ATR: variants seen among roughly 807,000 people sequenced by gnomAD.
ATR encodes serine/threonine-protein kinase ATR.
ATR carries 142 observed loss-of-function variants against 305.3 expected under a neutral mutation model. That is an observed-to-expected ratio of 0.47 (90% confidence interval 0.41 to 0.53). The LOEUF is 0.53. Ranked by LOEUF, ATR falls within the 20% of genes least tolerant of loss-of-function variation. The pLI is 0.00. For synonymous variants in ATR, 1,050 were observed against 1,068.1 expected, an observed-to-expected ratio of 0.98 and a Z score of 0.33; for missense variants, 2,135 against 3,133.1, an observed-to-expected ratio of 0.68 and a Z score of 7.60.
At chr3:142,489,057 C>CAT (rs2031124856) in intron 35 of ATR, among the ~76,000 whole-genome samples, 1 of 152,036 alleles carries the variant, frequency 6.6e-6, no homozygotes, top group African/African-American at 2.4e-5. Context: ...TTAGGCTGGG[C>CAT]ATACATGGTG....
At chr3:142,478,713 G>A (rs2030147278) in intron 36 of ATR, among the ~76,000 whole-genome samples, 2 of 152,138 alleles carry the variant, frequency 1.3e-5, no homozygotes, top group Non-Finnish European at 2.9e-5. Context: ...CATTATTATT[G>A]TGTGCGAGTC....
rs2031649356 is a variant in ATR, at chr3:142,496,412, T to C, written c.5847A>G (p.Glu1949=). 6.2e-7 allele frequency: 1 copy of C among 1,604,188 alleles called. No individual in the cohort carries two copies. Among genetic ancestry groups the C allele is most frequent in the African/African-American group, 1.4e-5 (1 of 73,388 alleles). The change falls in exon 34 of 47, where the codon GAA becomes GAG. Residue 1949 remains glutamate (E), a synonymous_variant. Coordinates refer to ENST00000350721, the MANE Select transcript of ATR (RefSeq NM_001184.4). The part of the protein sequence containing the change: ...TAYNALLNAG[E]SRLAELYVER... ...CCACGTACAGTTCAGCGAGTCGTGA[T>C]TCCCCTGCATTAAGGAGAGCATTGT...
At chr3:142,556,362 A>T (rs780306811) in intron 9 of ATR, 21 bp downstream of exon 9, 1 of 1,599,398 alleles carries the variant, frequency 6.3e-7, no homozygotes, top group Non-Finnish European at 8.6e-7. Flanking sequence ...GATATATTCA[A>T]ATTAAAATCT....
intron 35 of ATR, among the ~76,000 whole-genome samples, chr3:142,486,802 A>G (rs1419381336): frequency 2.0e-5 from 3 of 151,792 alleles, no homozygotes; most frequent in Non-Finnish European, 4.4e-5. Flanking sequence ...CTTTTATATA[A>G]ATAGAATCAT....
rs1043355995 is a variant in ATR, at chr3:142,542,712, T to TA, written c.3402dup (p.Asn1135Ter). On this transcript the variant is annotated frameshift_variant, in exon 17 of 47. Coordinates refer to ENST00000350721, the MANE Select transcript of ATR (RefSeq NM_001184.4). LOFTEE classifies it high-confidence loss of function. ...ACACTAGAGCTCAGTAACTGCATGT[T>TA]AAAAAAAGCCAAAATGCCCAACAAT... The TA allele has an allele frequency of 1.9e-6, 3 of 1,613,250 alleles. No homozygotes were observed. The highest frequency in any genetic ancestry group is 1.3e-5 in the African/African-American group (1 of 74,856).
At chr3:142,528,872 TA>T (rs2033513533) in intron 21 of ATR, among the ~76,000 whole-genome samples, 1 of 70,820 alleles carries the variant, frequency 1.4e-5, no homozygotes, top group African/African-American at 9.1e-5. Context: ...TATATATATA[TA>T]TATATATTTT....
At chr3:142,502,522 A>G (rs1443585619) in intron 30 of ATR, among the ~76,000 whole-genome samples, 1 of 152,194 alleles carries the variant, frequency 6.6e-6, no homozygotes, top group Admixed American at 6.5e-5. Flanking sequence ...TACTATGCTC[A>G]CTACCTGGGT....
intron 27 of ATR, among the ~76,000 whole-genome samples, chr3:142,509,008 G>T (rs1489007568): frequency 6.6e-6 from 1 of 151,104 alleles, no homozygotes; most frequent in African/African-American, 2.4e-5. Context: ...TTTTTCAAGA[G>T]TGTACAAAAA....
At chr3:142,496,599 C>T (rs1459686877) in intron 33 of ATR, 79 bp from the exon 34 acceptor site, 3 of 1,485,650 alleles carry the variant, frequency 2.0e-6, no homozygotes, top group Non-Finnish European at 2.8e-6. Context: ...CAATTTAAAT[C>T]TAGGTCATAA....
At chr3:142,506,505 T>C (rs2032244331) in intron 28 of ATR, among the ~76,000 whole-genome samples, 1 of 151,866 alleles carries the variant, frequency 6.6e-6, no homozygotes, top group African/African-American at 2.4e-5. Context: ...CCAGGCAACA[T>C]GGAAAACCCC....
At chr3:142,474,511 CTTAAT>C (rs961170123) in intron 36 of ATR, among the ~76,000 whole-genome samples, 1 of 152,074 alleles carries the variant, frequency 6.6e-6, no homozygotes, top group Non-Finnish European at 1.5e-5. Context: ...AGATTGTCTT[CTTAAT>C]TTATCTGCAA....
At position 142,561,347 on chromosome 3, in the gene ATR, A is replaced by G. The variant is rs755124543; in HGVS notation, c.1245T>C (p.Thr415=). The G allele has an allele frequency of 1.2e-6, 2 of 1,614,030 alleles. No homozygotes were observed. Among genetic ancestry groups the G allele is most frequent in the Non-Finnish European group, 1.7e-6 (2 of 1,179,976 alleles). The change falls in exon 5 of 47, where the codon ACT becomes ACC. Residue 415 remains threonine (T), a synonymous_variant. Transcript: ENST00000350721. ...TATTACTGCTGAGGTTTTCCTGTTGAGTTTGGCATTGAATCTCCTCAATGA... is the reference window on the plus strand; with the variant it reads ...TATTACTGCTGAGGTTTTCCTGTTGGGTTTGGCATTGAATCTCCTCAATGA... ...MEIIEEIQCQ[T]QQENLSSNSD... is the part of the protein sequence containing the mutation.
intron 17 of ATR, among the ~76,000 whole-genome samples, chr3:142,541,655 T>C (rs2034056119): frequency 6.6e-6 from 1 of 152,214 alleles, no homozygotes; most frequent in Non-Finnish European, 1.5e-5. Flanking sequence ...CAAAACATTT[T>C]AGTTATTTAT....
chr3:142,498,658 G>A lies in ATR; in HGVS notation c.5497C>T (p.Pro1833Ser), dbSNP rs2108341009. 1 of 1,614,012 alleles carries A rather than the reference G, an allele frequency of 6.2e-7. No homozygotes were observed. The highest frequency in any genetic ancestry group is 1.1e-5 in the South Asian group (1 of 91,064). The change falls in exon 32 of 47, where the codon CCT becomes TCT. Residue 1833 changes from proline to serine, a missense_variant. Pro to Ser is a moderately conservative substitution (Grantham distance 74). Around this residue, in one of 9 missense-constraint regions of ATR, gnomAD observed 117 missense variants for 198.3 expected, o/e 0.59. Transcript: ENST00000350721. ...CTTTCAAAGCTTGCAGCTGAAAGAG[G>A]TACAATTTGTTCTGCTCTCACTAGT... ...LKLVRAEQIVPLSAASFERGS... is the reference protein window; with the variant it reads ...LKLVRAEQIVSLSAASFERGS...
intron 46 of ATR, chr3:142,450,161 C>G (rs2070757628): frequency 4.9e-6 from 2 of 408,264 alleles, no homozygotes; most frequent in South Asian, 2.3e-5. Context: ...GAGACTGTTG[C>G]TGTGCCATCT....
chr3:142,479,741 G>A (rs1394463995), intron 36 of ATR, among the ~76,000 whole-genome samples: 1 of 152,000 alleles, frequency 6.6e-6, no homozygotes, highest in African/African-American at 2.4e-5. Context: ...ACATAGATTT[G>A]GTCTTTTCAC....
chr3:142,485,007 T>C, intron 36 of ATR, 133 bp downstream of exon 36: 1 of 1,329,434 alleles, frequency 7.5e-7, no homozygotes, highest in Non-Finnish European at 1.0e-6. Context: ...ATTTACATCT[T>C]ATCTAAGGTG....
At chr3:142,566,455 CA>C (rs1039255639) in intron 2 of ATR, among the ~76,000 whole-genome samples, 194 bp from the exon 3 acceptor site, 6 of 151,548 alleles carry the variant, frequency 4.0e-5, no homozygotes, top group Admixed American at 2.0e-4. Context: ...CCCGTCTCTA[CA>C]AAAAAAATTT....
chr3:142,472,889 C>T (rs1215894855), intron 36 of ATR, among the ~76,000 whole-genome samples: 1 of 152,168 alleles, frequency 6.6e-6, no homozygotes, highest in African/African-American at 2.4e-5. Context: ...ATCCATCTGC[C>T]TGAGCCTCTC....
Sources: allele counts gnomAD v4.1 joint callset (sites outside exome capture counted in the v4.1 genomes callset), GRCh38; gene constraint gnomAD v4.1.1; regional missense constraint gnomAD v4.1.1; transcripts MANE v1.5; gene names NCBI Gene and HGNC (gene_info 2026-07-23, HGNC 2026-07-21).